The following SYT4 variants were observed in gnomAD, a reference collection of about 807,000 sequenced individuals.
SYT4 encodes the protein synaptotagmin-4.
In SYT4, 7 loss-of-function variants were observed where a neutral mutation model predicts 32.9. The ratio of observed to expected loss-of-function variants is 0.21; its 90% confidence interval spans 0.12 to 0.40. The LOEUF is 0.40. Among genes scored for constraint, SYT4 ranks in the 10% least tolerant of loss-of-function variants. SYT4 has a pLI of 1.00. For missense variants in SYT4, 480 were observed against 488.0 expected (o/e 0.98, Z 0.16); for synonymous variants, 205 against 186.2 (o/e 1.10, Z -0.82).
intron 1 of SYT4, 102 bp downstream of exon 1, chr18:43,277,146 G>T: frequency 7.1e-7 from 1 of 1,417,974 alleles, no homozygotes; most frequent in Non-Finnish European, 9.7e-7. Context: ...TAACTACCTA[G>T]GAAATCTGTA....
chr18:43,271,077 G>A (rs952643775), intron 3 of SYT4, among the ~76,000 whole-genome samples: 5 of 152,118 alleles, frequency 3.3e-5, no homozygotes, highest in Admixed American at 1.3e-4. Context: ...GTTTTCCATC[G>A]AATGAGGATT....
At position 43,269,330 on chromosome 18, in the gene SYT4, T is replaced by C. The variant is rs1908554341; in HGVS notation, c.*1011A>G. 6.6e-6 allele frequency: 1 copy of C among 152,238 alleles called. No individual in the cohort carries two copies. The highest frequency in any genetic ancestry group is 1.5e-5 in the Non-Finnish European group (1 of 68,022). 9.4% of individuals were successfully genotyped at this position (152,238 alleles called of 1,614,324 possible). On this transcript the variant is annotated 3_prime_UTR_variant, in exon 4 of 4. Transcript: ENST00000255224. ...TTAAGTAACACTTTTTATCTGGCAA[T>C]GTAAAAAATCTTCACAGTCTTTTCA...
intron 1 of SYT4, among the ~76,000 whole-genome samples, chr18:43,276,178 T>C (rs1250548767): frequency 6.6e-6 from 1 of 152,156 alleles, no homozygotes; most frequent in East Asian, 1.9e-4. Context: ...GGGAAAGAAA[T>C]TCATTTATGA....
At chr18:43,274,518 TTCTGGG>T in intron 1 of SYT4, 124 bp from the exon 2 acceptor site, 1 of 728,398 alleles carries the variant, frequency 1.4e-6, no homozygotes, top group South Asian at 2.3e-5. Flanking sequence ...TTTCCAACTG[TTCTGGG>T]TATGAGTTAA....
chr18:43,274,030 T>C lies in SYT4; in HGVS notation c.399A>G (p.Ser133=), dbSNP rs1447338703. ...PKLFLEGEKE[S]VSPESLKSST... is the part of the protein sequence containing the mutation. ...TGGACTTTAAACTCTCAGGGGAAACTGACTCTTTTTCCCCTTCTAAAAAGA... is the reference window on the plus strand; with the variant it reads ...TGGACTTTAAACTCTCAGGGGAAACCGACTCTTTTTCCCCTTCTAAAAAGA... The change falls in exon 2 of 4, where the codon TCA becomes TCG. Residue 133 remains serine (S), a synonymous_variant. Transcript: ENST00000255224. 3.7e-6 allele frequency: 6 copies of C among 1,613,988 alleles called. No homozygotes were observed. The highest frequency in any genetic ancestry group is 4.2e-6 in the Non-Finnish European group (5 of 1,179,930).
intron 2 of SYT4, among the ~76,000 whole-genome samples, chr18:43,272,683 C>G (rs1289237883): frequency 6.6e-6 from 1 of 152,102 alleles, no homozygotes; most frequent in Non-Finnish European, 1.5e-5. Flanking sequence ...TAAGTAGGCA[C>G]TCTAAGGAGA....
chr18:43,271,115 T>G (rs914891917), intron 3 of SYT4, among the ~76,000 whole-genome samples: 3 of 152,210 alleles, frequency 2.0e-5, no homozygotes, highest in African/African-American at 7.2e-5. Flanking sequence ...ATATTCTTTT[T>G]AGTTTTAACT....
chr18:43,277,376 A>C lies in SYT4; in HGVS notation c.-95T>G, dbSNP rs1317690306. ...CAAGCGCCGGCTTTCGGAGCGCTGAAAACAACAGCGCAGAGCCCAGGGCAC... is the reference window on the plus strand; with the variant it reads ...CAAGCGCCGGCTTTCGGAGCGCTGACAACAACAGCGCAGAGCCCAGGGCAC... On this transcript the variant is annotated 5_prime_UTR_variant, in exon 1 of 4. Transcript: ENST00000255224. The C allele has an allele frequency of 3.3e-6, 5 of 1,494,586 alleles. No homozygotes were observed. Among genetic ancestry groups the C allele is most frequent in the Middle Eastern group, 3.6e-4 (2 of 5,566 alleles). The allele number at this position is 1,494,586 out of a possible 1,614,324, so 92.6% of individuals were successfully genotyped here.
chr18:43,271,636 A>G, intron 3 of SYT4, 76 bp downstream of exon 3: 1 of 1,565,756 alleles, frequency 6.4e-7, no homozygotes, highest in Non-Finnish European at 8.7e-7. Context: ...TAGAAGAGTA[A>G]GAGTAGGTGG....
Position 43,270,348 on chromosome 18 carries a change from T to C in SYT4, c.1271A>G (p.Asp424Gly). 1.2e-6 allele frequency: 2 copies of C among 1,613,858 alleles called. No individual in the cohort carries two copies. Among genetic ancestry groups the C allele is most frequent in the Non-Finnish European group, 8.5e-7 (1 of 1,179,820 alleles). The change falls in exon 4 of 4, where the codon GAT becomes GGT. Residue 424 changes from aspartate to glycine, a missense_variant. By Grantham distance (94) the Asp-to-Gly change is moderately conservative. Coordinates refer to ENST00000255224, the MANE Select transcript of SYT4 (RefSeq NM_020783.4). The part of the protein sequence containing the change: ...RQIAKWHVLC[D>G]G ...CAACTCACGGCTAGGATGCTAACCA[T>C]CACAGAGCACGTGCCACTTGGCAAT...
Position 43,270,565 on chromosome 18 carries a change from C to T in SYT4, c.1054G>A (p.Ala352Thr), listed in dbSNP as rs745806761. 6 of 1,613,906 alleles carry T rather than the reference C, an allele frequency of 3.7e-6. No individual in the cohort carries two copies. The South Asian group carries it at 5.5e-5, about 15-fold the overall frequency. Reference protein sequence around the residue: ...KTHVKKCTPNAVFNELFVFDI... With the variant: ...KTHVKKCTPNTVFNELFVFDI... ...AAGACAAACAGCTCATTGAACACTG[C>T]ATTGGGGGTGCATTTCTTCACATGA... The change falls in exon 4 of 4, where the codon GCA becomes ACA. Residue 352 changes from alanine (A) to threonine (T), a missense_variant. By Grantham distance (58) the Ala-to-Thr change is moderately conservative (BLOSUM62 0). Coordinates refer to ENST00000255224, the MANE Select transcript of SYT4 (RefSeq NM_020783.4).
At chr18:43,274,638 A>C (rs1274353609) in intron 1 of SYT4, among the ~76,000 whole-genome samples, 1 of 152,186 alleles carries the variant, frequency 6.6e-6, no homozygotes, top group Non-Finnish European at 1.5e-5. Flanking sequence ...TAATGAAATA[A>C]AAAGATGAAA....
At chr18:43,270,704 T>C (rs1460627398) in intron 3 of SYT4, 56 bp from the exon 4 acceptor site, 2 of 1,578,496 alleles carry the variant, frequency 1.3e-6, no homozygotes, top group African/African-American at 2.7e-5. Flanking sequence ...AGAGCTGATA[T>C]CAAGATAACA....
chr18:43,271,335 T>C (rs536699323), intron 3 of SYT4, among the ~76,000 whole-genome samples: 22 of 152,258 alleles, frequency 1.4e-4, no homozygotes, highest in Admixed American at 1.0e-3. Flanking sequence ...TAAATAATAA[T>C]AATATTATTA....
intron 1 of SYT4, among the ~76,000 whole-genome samples, chr18:43,276,923 A>G (rs1908812969): frequency 6.6e-6 from 1 of 152,190 alleles, no homozygotes; most frequent in African/African-American, 2.4e-5. Context: ...ATCACCTACA[A>G]AATAGATGAA....
At position 43,273,781 on chromosome 18, in the gene SYT4, A is replaced by G; in HGVS notation, c.648T>C (p.Asp216=). 1 of 1,614,046 alleles carries G rather than the reference A, an allele frequency of 6.2e-7. No homozygotes were observed. The highest frequency in any genetic ancestry group is 8.5e-7 in the Non-Finnish European group (1 of 1,179,938). Residue 216 remains aspartate (D), a synonymous_variant, in exon 2 of 4, where the codon GAT becomes GAC. Transcript: ENST00000255224. Reference sequence around the variant, plus strand: ...ATGTAAAGGTCTCATCAAAAGCTGGATCCAAGGTTTTTCTCAGCACTCTAG... The same window carrying G: ...ATGTAAAGGTCTCATCAAAAGCTGGGTCCAAGGTTTTTCTCAGCACTCTAG... ...VKTRVLRKTL[D]PAFDETFTFY...
At position 43,268,092 on chromosome 18, in the gene SYT4, G is replaced by A. The variant is rs1405556281; in HGVS notation, c.*2249C>T. On this transcript the variant is annotated 3_prime_UTR_variant, in exon 4 of 4. Coordinates refer to ENST00000255224, the MANE Select transcript of SYT4 (RefSeq NM_020783.4). ...GTATACCTCCCCATTTGGGTGGTGAGATTGGCTAATCAGACAAACAATTAA... is the reference window on the plus strand; with the variant it reads ...GTATACCTCCCCATTTGGGTGGTGAAATTGGCTAATCAGACAAACAATTAA... The A allele has an allele frequency of 6.6e-6, 1 of 152,552 alleles. No individual in the cohort carries two copies. The highest frequency in any genetic ancestry group is 1.5e-5 in the Non-Finnish European group (1 of 68,028). The allele number at this position is 152,552 out of a possible 1,614,324, so 9.4% of individuals were successfully genotyped here.
chr18:43,268,675 T>C lies in SYT4; in HGVS notation c.*1666A>G, dbSNP rs1908531803. On this transcript the variant is annotated 3_prime_UTR_variant, in exon 4 of 4. Transcript: ENST00000255224. ...AGCAAGATGCTGTGAGGTGACTTTG[T>C]AGTGGAATGAAGACAATGATTGGGA... The C allele has an allele frequency of 6.6e-6, 1 of 152,618 alleles. No individual in the cohort carries two copies. The highest frequency in any genetic ancestry group is 1.5e-5 in the Non-Finnish European group (1 of 68,032). 9.5% of individuals were successfully genotyped at this position (152,618 alleles called of 1,614,324 possible).
rs1908554848 is a variant in SYT4 at position 43,269,354 on chromosome 18, C to G, written c.*987G>C. The G allele has an allele frequency of 6.6e-6, 1 of 152,150 alleles. No individual in the cohort carries two copies. Among genetic ancestry groups the G allele is most frequent in the Non-Finnish European group, 1.5e-5 (1 of 68,008 alleles). The allele number at this position is 152,150 out of a possible 1,614,324, so 9.4% of individuals were successfully genotyped here. A position where few individuals can be genotyped will look rare whatever the true frequency, so the allele number is the denominator to read the frequency against. On this transcript the variant is annotated 3_prime_UTR_variant, in exon 4 of 4. Transcript: ENST00000255224. ...ATGTAAAAAATCTTCACAGTCTTTT[C>G]AAGTAGCATCTTAATCTTTTCTGGG...
Sources: gnomAD v4.1 joint callset for allele counts (sites outside exome capture counted in the v4.1 genomes callset) on GRCh38, gnomAD v4.1.1 for gene constraint, MANE v1.5 for transcripts, NCBI Gene and HGNC (gene_info 2026-07-23, HGNC 2026-07-21) for gene names.